COPG2: variants seen among roughly 807,000 people sequenced by gnomAD.
COPG2 encodes coat protein complex I subunit gamma 2.
In COPG2, 37 loss-of-function variants were observed where a neutral mutation model predicts 46.3. The observed-to-expected ratio is 0.80, with a 90% confidence interval of 0.61 to 1.05. The LOEUF (loss-of-function observed/expected upper bound fraction) is 1.05. COPG2 is among the 50% of genes least tolerant of loss of function. The pLI is 0.00. For missense variants in COPG2, 427 were observed against 387.8 expected, an observed-to-expected ratio of 1.10 and a Z score of -0.85; for synonymous variants, 159 against 129.7, an observed-to-expected ratio of 1.23 and a Z score of -1.53.
chr7:130,592,071 G>A (rs1192427011), intron 9 of COPG2, among the ~76,000 whole-genome samples: 7 of 152,214 alleles, frequency 4.6e-5, no homozygotes, highest in Admixed American at 4.6e-4. Flanking sequence ...AAATTCTTCT[G>A]CCTTGGGATC....
At chr7:130,652,768 T>C (rs1212736008) in intron 5 of COPG2, 101 bp downstream of exon 5, 2 of 764,386 alleles carry the variant, frequency 2.6e-6, no homozygotes, top group Non-Finnish European at 2.2e-6. Flanking sequence ...TTATATTCTT[T>C]TAAATTCCTA....
chr7:130,513,323 A>ATGTGTGTGTGTGTGTGTGTG (rs1401302098), intron 20 of COPG2, among the ~76,000 whole-genome samples: 1 of 48,322 alleles, frequency 2.1e-5, no homozygotes, highest in Non-Finnish European at 3.9e-5. Flanking sequence ...ATATATATAT[A>ATGTGTGTGTGTGTGTGTGTG]TATATATATA....
intron 20 of COPG2, among the ~76,000 whole-genome samples, chr7:130,516,518 T>C (rs1460690104): frequency 6.6e-6 from 1 of 152,072 alleles, no homozygotes; most frequent in Non-Finnish European, 1.5e-5. Flanking sequence ...GAGAAGCAAC[T>C]GAGGAGACTT....
chr7:130,599,343 T>C (rs1313249896), intron 9 of COPG2, among the ~76,000 whole-genome samples: 5 of 152,172 alleles, frequency 3.3e-5, no homozygotes, highest in Admixed American at 6.5e-5. Flanking sequence ...GGATTTGACC[T>C]AGATTTCACC....
chr7:130,598,547 T>C (rs1794572664), intron 9 of COPG2, among the ~76,000 whole-genome samples: 1 of 152,140 alleles, frequency 6.6e-6, no homozygotes. Context: ...TAGGAGGCTA[T>C]CTTAAAGACG....
chr7:130,630,000 C>T (rs766768134), intron 5 of COPG2, among the ~76,000 whole-genome samples: 28 of 151,792 alleles, frequency 1.8e-4, no homozygotes, highest in Non-Finnish European at 2.9e-4. Flanking sequence ...TCACTGCAAC[C>T]TCTGCCTCCC....
At chr7:130,557,825 A>AAAAAAC (rs1328746286) in intron 12 of COPG2, among the ~76,000 whole-genome samples, 3 of 147,164 alleles carry the variant, frequency 2.0e-5, no homozygotes, top group Non-Finnish European at 4.5e-5. Flanking sequence ...CTCAAAAAAA[A>AAAAAAC]AAAAAAAAAA....
rs527909029 is a variant in COPG2 at position 130,603,579 on chromosome 7, G to A, written c.737+7374C>T. Among the ~76,000 whole-genome samples, 11 of 151,998 alleles carry A rather than the reference G, an allele frequency of 7.2e-5. No homozygotes were observed. In the South Asian group the frequency reaches 1.5e-3, roughly 20 times the overall value. On this transcript the variant is annotated intron_variant, in intron 9 of 23. Transcript: ENST00000425248. The stretch of plus-strand genomic sequence containing the variant: ...TACTAAAAATACAAAAAATTAGCAG[G>A]GTGTGGTGGTGCGTGCCTGCAATCT...
At chr7:130,508,215 C>A in intron 21 of COPG2, 1 of 246,804 alleles carries the variant, frequency 4.1e-6, no homozygotes, top group Non-Finnish European at 7.7e-6. Flanking sequence ...GAAGCAAAAA[C>A]AAAAAACCAA....
intron 5 of COPG2, among the ~76,000 whole-genome samples, chr7:130,622,226 C>G (rs1795052551): frequency 6.6e-6 from 1 of 152,124 alleles, no homozygotes; most frequent in Non-Finnish European, 1.5e-5. Flanking sequence ...TTCCGAGGAG[C>G]CTTATGAAAT....
At chr7:130,648,203 A>G (rs1795657276) in intron 5 of COPG2, among the ~76,000 whole-genome samples, 1 of 152,094 alleles carries the variant, frequency 6.6e-6, no homozygotes, top group Non-Finnish European at 1.5e-5. Flanking sequence ...AAGGTCATCT[A>G]TAATATTAGT....
intron 20 of COPG2, chr7:130,508,959 C>T: frequency 2.0e-6 from 1 of 491,024 alleles, no homozygotes; most frequent in South Asian, 1.7e-5. Context: ...GGGCTTTTTG[C>T]CATGCCTATC....
chr7:130,550,005 TA>T (rs1312331511), intron 17 of COPG2, among the ~76,000 whole-genome samples: 1 of 151,934 alleles, frequency 6.6e-6, no homozygotes, highest in African/African-American at 2.4e-5. Flanking sequence ...TGCTTTGCAT[TA>T]AAAAAAACCC....
chr7:130,662,733 C>G (rs1796002362), intron 4 of COPG2, among the ~76,000 whole-genome samples: 1 of 152,150 alleles, frequency 6.6e-6, no homozygotes, highest in African/African-American at 2.4e-5. Context: ...ATGCCAGAAG[C>G]TAGGTATTAA....
chr7:130,660,241 T>C (rs1195426889), intron 4 of COPG2, among the ~76,000 whole-genome samples: 2 of 152,202 alleles, frequency 1.3e-5, no homozygotes, highest in African/African-American at 4.8e-5. Context: ...CCTAAAATAC[T>C]CTGGTCATTA....
At chr7:130,616,311 A>G (rs1319109767) in intron 6 of COPG2, among the ~76,000 whole-genome samples, 1 of 152,206 alleles carries the variant, frequency 6.6e-6, no homozygotes, top group East Asian at 1.9e-4. Context: ...ATATAAATAC[A>G]GTATTTTGAG....
At chr7:130,526,496 G>A (rs1437270762) in intron 20 of COPG2, among the ~76,000 whole-genome samples, 1 of 152,032 alleles carries the variant, frequency 6.6e-6, no homozygotes, top group African/African-American at 2.4e-5. Context: ...ATAAGGCAGC[G>A]CAACGGGGGA....
At chr7:130,595,791 C>T (rs952012109) in intron 9 of COPG2, among the ~76,000 whole-genome samples, 2 of 146,680 alleles carry the variant, frequency 1.4e-5, no homozygotes, top group Non-Finnish European at 3.1e-5. Context: ...GAGGTCCCAT[C>T]GGCATTTGGG....
At chr7:130,575,327 G>A (rs1793983381) in intron 9 of COPG2, among the ~76,000 whole-genome samples, 1 of 152,118 alleles carries the variant, frequency 6.6e-6, no homozygotes, top group African/African-American at 2.4e-5. Flanking sequence ...ACCTATCAAG[G>A]AAAACTTATC....
Sources: gnomAD v4.1 joint callset for allele counts (sites outside exome capture counted in the v4.1 genomes callset) on GRCh38, gnomAD v4.1.1 for gene constraint, MANE v1.5 for transcripts, NCBI Gene and HGNC (gene_info 2026-07-23, HGNC 2026-07-21) for gene names.